ATF1: variants seen among roughly 807,000 people sequenced by gnomAD.
ATF1 encodes cyclic AMP-dependent transcription factor ATF-1.
In ATF1, 16 loss-of-function variants were observed where a neutral mutation model predicts 34.7. That is an observed-to-expected ratio of 0.46 (90% CI 0.31 to 0.70). The LOEUF (loss-of-function observed/expected upper bound fraction) is 0.70. ATF1 is among the 30% of genes least tolerant of loss of function. The pLI is 0.05. For synonymous variants in ATF1, 105 were observed against 113.1 expected, an observed-to-expected ratio of 0.93 and a Z score of 0.46; for missense variants, 255 against 321.6, an observed-to-expected ratio of 0.79 and a Z score of 1.58.
intron 3 of ATF1, among the ~76,000 whole-genome samples, chr12:50,801,747 C>G (rs1189410199): frequency 6.6e-6 from 1 of 152,130 alleles, no homozygotes; most frequent in African/African-American, 2.4e-5. Flanking sequence ...ACAGAAAAAG[C>G]ATTTGACAAA....
At chr12:50,811,946 G>A (rs772742512) in intron 4 of ATF1, among the ~76,000 whole-genome samples, 29 of 152,186 alleles carry the variant, frequency 1.9e-4, no homozygotes, top group South Asian at 2.1e-4. Flanking sequence ...ATAGAACTTC[G>A]TATGATAATG....
At chr12:50,809,655 G>A in intron 4 of ATF1, 66 bp downstream of exon 4, 2 of 1,477,000 alleles carry the variant, frequency 1.4e-6, no homozygotes, top group Non-Finnish European at 1.8e-6. Context: ...AGAAAGAAAT[G>A]GTGTTAGGAA....
chr12:50,792,099 A>G (rs1941313952), intron 2 of ATF1, among the ~76,000 whole-genome samples: 1 of 152,130 alleles, frequency 6.6e-6, no homozygotes, highest in Non-Finnish European at 1.5e-5. Context: ...CTGCCCCTCC[A>G]TACATACCCT....
At chr12:50,779,913 T>A (rs1484320718) in intron 1 of ATF1, among the ~76,000 whole-genome samples, 3 of 152,208 alleles carry the variant, frequency 2.0e-5, no homozygotes, top group African/African-American at 7.2e-5. Context: ...AACTTAGTCA[T>A]CATAATTTAT....
intron 1 of ATF1, among the ~76,000 whole-genome samples, chr12:50,770,278 G>A (rs893850591): frequency 2.0e-5 from 3 of 152,178 alleles, no homozygotes; most frequent in Admixed American, 2.0e-4. Flanking sequence ...GACTGAAATG[G>A]TGTGCTTTTC....
At chr12:50,764,487 C>G (rs1008079405) in intron 1 of ATF1, 180 bp downstream of exon 1, 2 of 152,062 alleles carry the variant, frequency 1.3e-5, no homozygotes, top group Non-Finnish European at 2.9e-5. Flanking sequence ...GCCTCCGCGC[C>G]TCGGTGCAGA....
chr12:50,767,638 C>A (rs1047547525), intron 1 of ATF1, among the ~76,000 whole-genome samples: 7 of 152,244 alleles, frequency 4.6e-5, no homozygotes, highest in Admixed American at 4.6e-4. Flanking sequence ...TGGATGAAGT[C>A]TCCACCTTGT....
At chr12:50,772,660 C>CT (rs1343546506) in intron 1 of ATF1, among the ~76,000 whole-genome samples, 3 of 149,464 alleles carry the variant, frequency 2.0e-5, no homozygotes, top group South Asian at 4.2e-4. Flanking sequence ...GGTGAGGTAA[C>CT]TGTCTAAATA....
intron 4 of ATF1, among the ~76,000 whole-genome samples, chr12:50,811,630 GAAAA>G (rs11464441): frequency 2.3e-4 from 17 of 72,936 alleles, no homozygotes; most frequent in Admixed American, 7.9e-4. Flanking sequence ...GAAAAATGAA[GAAAA>G]AAAAAAAAAA....
chr12:50,790,554 C>T (rs1941280673), intron 2 of ATF1, among the ~76,000 whole-genome samples: 1 of 152,064 alleles, frequency 6.6e-6, no homozygotes, highest in Non-Finnish European at 1.5e-5. Flanking sequence ...CAAAGAGGAA[C>T]AGAGCTGGAC....
chr12:50,771,907 T>G (rs1376287534), intron 1 of ATF1, among the ~76,000 whole-genome samples: 4 of 152,190 alleles, frequency 2.6e-5, no homozygotes, highest in Non-Finnish European at 5.9e-5. Flanking sequence ...GAAGTTACCC[T>G]GTATGGTTTA....
chr12:50,787,468 C>T (rs1941207991), intron 2 of ATF1, among the ~76,000 whole-genome samples: 1 of 152,066 alleles, frequency 6.6e-6, no homozygotes, highest in Non-Finnish European at 1.5e-5. Flanking sequence ...TGTGGTGGCT[C>T]ACGCCTGTAA....
intron 3 of ATF1, 151 bp from the exon 4 acceptor site, chr12:50,809,305 C>A (rs1941681801): frequency 3.2e-6 from 2 of 628,086 alleles, no homozygotes; most frequent in Non-Finnish European, 5.2e-6. Flanking sequence ...GCCAGGGAAG[C>A]AGAGGTTGCA....
At chr12:50,772,015 A>G (rs1351821045) in intron 1 of ATF1, among the ~76,000 whole-genome samples, 3 of 152,230 alleles carry the variant, frequency 2.0e-5, no homozygotes, top group African/African-American at 4.8e-5. Flanking sequence ...TGCTCTGTCT[A>G]TGGAGTAGCC....
At chr12:50,818,404 G>A (rs1464177456) in intron 6 of ATF1, among the ~76,000 whole-genome samples, 1 of 152,072 alleles carries the variant, frequency 6.6e-6, no homozygotes, top group East Asian at 1.9e-4. Flanking sequence ...GTGAGACCCT[G>A]TCTCAAAACA....
At chr12:50,770,579 A>G (rs1362162551) in intron 1 of ATF1, among the ~76,000 whole-genome samples, 1 of 152,224 alleles carries the variant, frequency 6.6e-6, no homozygotes, top group Non-Finnish European at 1.5e-5. Context: ...TAAAAAGCCT[A>G]TGTGAAAAAT....
intron 3 of ATF1, among the ~76,000 whole-genome samples, chr12:50,798,792 A>T (rs1465446823): frequency 6.6e-6 from 1 of 152,256 alleles, no homozygotes; most frequent in Non-Finnish European, 1.5e-5. Flanking sequence ...CAGAAACAAT[A>T]CAGTCAACTC....
chr12:50,795,876 T>G (rs747375386), intron 2 of ATF1, 33 bp from the exon 3 acceptor site: 3 of 1,527,758 alleles, frequency 2.0e-6, no homozygotes, highest in Non-Finnish European at 2.7e-6. Context: ...CCCACCTGCA[T>G]TGTTCATCAT....
At chr12:50,779,714 C>CT (rs1334910794) in intron 1 of ATF1, among the ~76,000 whole-genome samples, 1 of 152,064 alleles carries the variant, frequency 6.6e-6, no homozygotes, top group Non-Finnish European at 1.5e-5. Context: ...AGTTGATTAT[C>CT]TAAGTTTTCT....
Sources: gnomAD v4.1 joint callset for allele counts (sites outside exome capture counted in the v4.1 genomes callset) on GRCh38, gnomAD v4.1.1 for gene constraint, MANE v1.5 for transcripts, NCBI Gene and HGNC (gene_info 2026-07-23, HGNC 2026-07-21) for gene names.